The following RAPGEF5 variants were observed in gnomAD, a reference collection of about 807,000 sequenced individuals.
RAPGEF5 encodes M-Ras-regulated GEF.
A neutral mutation model predicts 125.2 loss-of-function variants in RAPGEF5; 65 were observed. The ratio of observed to expected loss-of-function variants is 0.52; its 90% confidence interval spans 0.43 to 0.64. The LOEUF (loss-of-function observed/expected upper bound fraction) is 0.64. RAPGEF5 is among the 30% of genes least tolerant of loss of function. The pLI, the probability that RAPGEF5 is intolerant of heterozygous loss-of-function variation, is 0.00. For missense variants in RAPGEF5, 958 were observed against 1,048.1 expected, an observed-to-expected ratio of 0.91 and a Z score of 1.19; for synonymous variants, 391 against 385.9, an observed-to-expected ratio of 1.01 and a Z score of -0.16.
chr7:22,247,902 T>C (rs1182452566), intron 7 of RAPGEF5, among the ~76,000 whole-genome samples: 1 of 152,178 alleles, frequency 6.6e-6, no homozygotes, highest in Non-Finnish European at 1.5e-5. Context: ...ATGTTCTTAC[T>C]TATAAGTGGG....
chr7:22,331,617 C>T (rs1009209879), intron 1 of RAPGEF5, among the ~76,000 whole-genome samples: 35 of 151,968 alleles, frequency 2.3e-4, no homozygotes, highest in South Asian at 6.2e-4. Context: ...TGGTGGTGGG[C>T]GCCCGTAGTC....
rs532795159 is a variant in RAPGEF5 at position 22,277,983 on chromosome 7, C to T, written c.748-10971G>A. Among the ~76,000 whole-genome samples the T allele has an allele frequency of 1.4e-4, 21 of 152,230 alleles. No homozygotes were observed. In the South Asian group the frequency reaches 3.5e-3, roughly 26 times the overall value. On this transcript the variant is annotated intron_variant, in intron 6 of 25. Transcript: ENST00000665637. The stretch of plus-strand genomic sequence containing the variant: ...TTCATGTTTGGGGGACCATTTTACC[C>T]GTTACAGAATGACACGGATCCTGAA...
At chr7:22,336,943 A>G (rs1179724998) in intron 1 of RAPGEF5, among the ~76,000 whole-genome samples, 2 of 152,168 alleles carry the variant, frequency 1.3e-5, no homozygotes, top group African/African-American at 2.4e-5. Flanking sequence ...AGGTGAATGG[A>G]TATCTTGAGA....
chr7:22,134,158 T>C (rs1783007921), intron 23 of RAPGEF5, among the ~76,000 whole-genome samples: 1 of 152,252 alleles, frequency 6.6e-6, no homozygotes, highest in Non-Finnish European at 1.5e-5. Context: ...TTGTATATTT[T>C]TGCCAAAATG....
At chr7:22,236,672 G>C (rs934123487) in intron 7 of RAPGEF5, among the ~76,000 whole-genome samples, 2 of 152,124 alleles carry the variant, frequency 1.3e-5, no homozygotes. Context: ...TCTCATGTAG[G>C]CTGCTACGGC....
At chr7:22,283,745 A>G (rs1782729504) in intron 6 of RAPGEF5, among the ~76,000 whole-genome samples, 2 of 152,322 alleles carry the variant, frequency 1.3e-5, no homozygotes. Flanking sequence ...AGTGATTTTC[A>G]TCTCAGAAAC....
intron 11 of RAPGEF5, among the ~76,000 whole-genome samples, chr7:22,188,083 T>C (rs962049211): frequency 3.3e-5 from 5 of 152,234 alleles, no homozygotes; most frequent in Non-Finnish European, 7.3e-5. Flanking sequence ...GATAATGTCA[T>C]GTGCATATCA....
chr7:22,318,762 G>A (rs573509659), intron 1 of RAPGEF5, among the ~76,000 whole-genome samples: 1 of 152,204 alleles, frequency 6.6e-6, no homozygotes, highest in African/African-American at 2.4e-5. Flanking sequence ...TTGTGGAGTC[G>A]GCTCCTGCAT....
chr7:22,282,050 A>G lies in RAPGEF5; in HGVS notation c.747+9125T>C, dbSNP rs115974919. Among the ~76,000 whole-genome samples, 653 of 152,320 alleles carry G rather than the reference A, an allele frequency of 4.3e-3. 6 individuals are homozygous for G. The highest frequency in any genetic ancestry group is 0.015 in the African/African-American group (625 of 41,564). ...TGCTATTCTTTCTAATTAGATTGCT[A>G]TTAATATTTTCTATTCATTCATACT... On this transcript the variant is annotated intron_variant, in intron 6 of 25. Coordinates refer to ENST00000665637, the MANE Select transcript of RAPGEF5 (RefSeq NM_012294.5).
At chr7:22,134,130 AAAGCCT>A (rs1270904227) in intron 23 of RAPGEF5, among the ~76,000 whole-genome samples, 1 of 152,254 alleles carries the variant, frequency 6.6e-6, no homozygotes, top group Non-Finnish European at 1.5e-5. Context: ...TGTGATTAAA[AAAGCCT>A]AAGAATTAAT....
intron 8 of RAPGEF5, among the ~76,000 whole-genome samples, chr7:22,224,942 CATG>C (rs1358190123): frequency 2.6e-5 from 4 of 151,022 alleles, no homozygotes; most frequent in Non-Finnish European, 5.9e-5. Flanking sequence ...TCTGTGTGAA[CATG>C]ATTTTTCAAG....
chr7:22,199,331 C>T (rs544423821), intron 9 of RAPGEF5, among the ~76,000 whole-genome samples: 16 of 152,064 alleles, frequency 1.1e-4, no homozygotes, highest in South Asian at 4.2e-4. Flanking sequence ...CGGCAGGGAC[C>T]GGCTTTAGAG....
chr7:22,155,404 A>G (rs3807526), intron 16 of RAPGEF5, among the ~76,000 whole-genome samples: 2 of 152,230 alleles, frequency 1.3e-5, no homozygotes, highest in East Asian at 3.8e-4. Flanking sequence ...ATCAGCTACT[A>G]TAAATGTATA....
intron 8 of RAPGEF5, among the ~76,000 whole-genome samples, chr7:22,229,436 T>C (rs540175623): frequency 1.3e-5 from 2 of 152,336 alleles, no homozygotes; most frequent in South Asian, 2.1e-4. Context: ...GCTTAAAATA[T>C]GCTCTGGAAT....
At chr7:22,349,873 T>C (rs1784296450) in intron 1 of RAPGEF5, among the ~76,000 whole-genome samples, 1 of 152,222 alleles carries the variant, frequency 6.6e-6, no homozygotes, top group South Asian at 2.1e-4. Flanking sequence ...CCTCTCTGGA[T>C]TGTAATTTCC....
chr7:22,199,298 C>G (rs1025310130), intron 9 of RAPGEF5, among the ~76,000 whole-genome samples: 5 of 151,916 alleles, frequency 3.3e-5, no homozygotes, highest in African/African-American at 1.2e-4. Flanking sequence ...AATCAGTGAC[C>G]AAGGCAGGAA....
At chr7:22,227,970 G>A (rs1241339601) in intron 8 of RAPGEF5, among the ~76,000 whole-genome samples, 1 of 152,152 alleles carries the variant, frequency 6.6e-6, no homozygotes, top group Admixed American at 6.5e-5. Flanking sequence ...ATACAGTGAA[G>A]GGACTAGAAT....
At chr7:22,177,429 A>T (rs2128119978) in intron 11 of RAPGEF5, among the ~76,000 whole-genome samples, 1 of 152,244 alleles carries the variant, frequency 6.6e-6, no homozygotes, top group East Asian at 1.9e-4. Flanking sequence ...GGAGCCCCAA[A>T]TTTGTTTTGA....
At chr7:22,151,458 C>CTT (rs10609080) in intron 17 of RAPGEF5, among the ~76,000 whole-genome samples, 4 of 109,946 alleles carry the variant, frequency 3.6e-5, no homozygotes, top group Non-Finnish European at 3.6e-5. Context: ...CTGATCATTA[C>CTT]TTTTTTTTTT....
Sources: gnomAD v4.1 joint callset for allele counts (sites outside exome capture counted in the v4.1 genomes callset) on GRCh38, gnomAD v4.1.1 for gene constraint, MANE v1.5 for transcripts, NCBI Gene and HGNC (gene_info 2026-07-23, HGNC 2026-07-21) for gene names.